CEACAM20: variants seen among roughly 807,000 people sequenced by gnomAD.
The protein encoded by CEACAM20 is CEA cell adhesion molecule 20, also known as cell adhesion molecule CEACAM20.
CEACAM20 carries 50 observed loss-of-function variants against 61.2 expected under a neutral mutation model. The ratio of observed to expected loss-of-function variants is 0.82; its 90% CI spans 0.65 to 1.03. The LOEUF (loss-of-function observed/expected upper bound fraction) is 1.03. CEACAM20 is among the 50% of genes least tolerant of loss of function. The pLI, the probability that CEACAM20 is intolerant of heterozygous loss-of-function variation, is 0.00. For missense variants in CEACAM20, 683 were observed against 736.4 expected, an observed-to-expected ratio of 0.93 and a Z score of 0.84; for synonymous variants, 282 against 287.7, an observed-to-expected ratio of 0.98 and a Z score of 0.20.
chr19:44,516,972 G>A lies in CEACAM20; in HGVS notation c.1283C>T (p.Ser428Phe). 1 of 1,599,146 alleles carries A rather than the reference G, an allele frequency of 6.3e-7. No individual in the cohort carries two copies. The highest frequency in any genetic ancestry group is 8.5e-7 in the Non-Finnish European group (1 of 1,173,322). The change falls in exon 6 of 12, where the codon TCC (serine) becomes TTC (phenylalanine). Residue 428 changes from serine (S) to phenylalanine (F), a missense_variant. Transcript: ENST00000614924. ...ASNSLTGLAR[S>F]TSVLVKVVGP... is the part of the protein sequence containing the mutation. Reference sequence around the variant, plus strand: ...TACCACCTTGACCAGGACTGAAGTGGAGCGGGCCAGGCCAGTGAGAGAGTT... The same window carrying A: ...TACCACCTTGACCAGGACTGAAGTGAAGCGGGCCAGGCCAGTGAGAGAGTT...
At position 44,525,099 on chromosome 19, in the gene CEACAM20, A is replaced by G. The variant is rs1337428471; in HGVS notation, c.196+2T>C. 3.7e-6 allele frequency: 6 copies of G among 1,609,784 alleles called. No homozygotes were observed. The highest frequency in any genetic ancestry group is 3.3e-5 in the South Asian group (3 of 90,320). The stretch of plus-strand genomic sequence containing the variant: ...ATGACCGTCTTGTTTTCTGGCCCCT[A>G]CCTCTGGATCTGCCATGAATCTGGG... On this transcript the variant is annotated splice_donor_variant, in intron 2 of 11. Coordinates refer to ENST00000614924, the MANE Select transcript of CEACAM20 (RefSeq NM_001102597.3). LOFTEE classifies it high-confidence loss of function.
intron 1 of CEACAM20, 100 bp downstream of exon 1, chr19:44,529,357 CA>C: frequency 2.0e-5 from 1 of 50,066 alleles, no homozygotes; most frequent in East Asian, 1.4e-3. Flanking sequence ...CTCGAGTGCA[CA>C]CACACACACA....
At chr19:44,510,609 A>G (rs4803723) in intron 11 of CEACAM20, among the ~76,000 whole-genome samples, 3,376 of 63,134 alleles carry the variant, frequency 0.053, 136 homozygotes, top group African/African-American at 0.17. Flanking sequence ...AGAAAGAAAG[A>G]AAAAGGAAGG....
At chr19:44,514,824 T>A (rs1434398937) in intron 6 of CEACAM20, among the ~76,000 whole-genome samples, 12 of 150,920 alleles carry the variant, frequency 8.0e-5, no homozygotes, top group Non-Finnish European at 1.3e-4. Context: ...TTTTTAAAAT[T>A]TTTTTTAAAT....
intron 7 of CEACAM20, 44 bp downstream of exon 7, chr19:44,513,128 G>T: frequency 6.7e-7 from 1 of 1,501,284 alleles, no homozygotes; most frequent in African/African-American, 1.4e-5. Context: ...CCCCCTGCTG[G>T]CCACATCCCC....
intron 6 of CEACAM20, among the ~76,000 whole-genome samples, chr19:44,515,217 A>ATG (rs1971120588): frequency 9.8e-6 from 1 of 102,544 alleles, no homozygotes; most frequent in African/African-American, 3.7e-5. Flanking sequence ...GATGCTTGAC[A>ATG]AATGATGATG....
chr19:44,507,257 A>C (rs1471714408), intron 11 of CEACAM20, among the ~76,000 whole-genome samples: 1 of 152,182 alleles, frequency 6.6e-6, no homozygotes, highest in Non-Finnish European at 1.5e-5. Flanking sequence ...GACTAATAAT[A>C]GGAAACAAAC....
At chr19:44,517,366 T>G in intron 5 of CEACAM20, 142 bp from the exon 6 acceptor site, 1 of 1,086,608 alleles carries the variant, frequency 9.2e-7, no homozygotes, top group African/African-American at 1.6e-5. Context: ...ACAAGCAGAG[T>G]GTGGTCCACA....
At chr19:44,509,674 A>T (rs1179898141) in intron 11 of CEACAM20, among the ~76,000 whole-genome samples, 1 of 152,188 alleles carries the variant, frequency 6.6e-6, no homozygotes, top group Non-Finnish European at 1.5e-5. Flanking sequence ...TTGGAAAGAA[A>T]TGAAAAGGGA....
intron 3 of CEACAM20, among the ~76,000 whole-genome samples, chr19:44,523,292 C>T (rs1339795490): frequency 6.6e-6 from 1 of 151,824 alleles, no homozygotes; most frequent in Non-Finnish European, 1.5e-5. Context: ...GCCTGTAGTC[C>T]CAGCTACTCG....
intron 6 of CEACAM20, 139 bp from the exon 7 acceptor site, chr19:44,513,428 T>G: frequency 1.8e-6 from 1 of 556,162 alleles, no homozygotes. Context: ...TATCAGATTG[T>G]GGTTTTTGGT....
At chr19:44,528,687 C>A (rs1971611667) in intron 1 of CEACAM20, among the ~76,000 whole-genome samples, 1 of 151,932 alleles carries the variant, frequency 6.6e-6, no homozygotes, top group Non-Finnish European at 1.5e-5. Flanking sequence ...CACAGACACA[C>A]AAACACACAT....
chr19:44,515,216 C>A (rs1971120128), intron 6 of CEACAM20, among the ~76,000 whole-genome samples: 1 of 106,756 alleles, frequency 9.4e-6, no homozygotes, highest in African/African-American at 3.6e-5. Context: ...AGATGCTTGA[C>A]AAATGATGAT....
At position 44,528,158 on chromosome 19, in the gene CEACAM20, TTTTCTTTCTTTCC is replaced by T. The variant is rs149014643; in HGVS notation, c.52+1287_52+1299del. Among the ~76,000 whole-genome samples, 380 of 124,826 alleles carry T rather than the reference TTTTCTTTCTTTCC, an allele frequency of 3.0e-3. 2 individuals carry two copies. The highest frequency in any genetic ancestry group is 4.2e-3 in the Non-Finnish European group (234 of 55,334). 81.9% of individuals were successfully genotyped at this position (124,826 alleles called of 152,430 possible). On this transcript the variant is annotated intron_variant, in intron 1 of 11. Coordinates refer to ENST00000614924, the MANE Select transcript of CEACAM20 (RefSeq NM_001102597.3). The stretch of plus-strand genomic sequence containing the variant: ...TCTCTTTCTTTCTTTTCTTTCTTTC[TTTTCTTTCTTTCC>T]TTTCTTTCTTTCCTTTCTTTCTTTC...
intron 5 of CEACAM20, 70 bp downstream of exon 5, chr19:44,520,404 T>C (rs1971317012): frequency 2.1e-5 from 32 of 1,551,452 alleles, no homozygotes; most frequent in Non-Finnish European, 2.8e-5. Flanking sequence ...CATGAATGAC[T>C]AGAAGGAAGA....
At chr19:44,521,721 CTA>C (rs1971370838) in intron 4 of CEACAM20, among the ~76,000 whole-genome samples, 1 of 151,560 alleles carries the variant, frequency 6.6e-6, no homozygotes, top group South Asian at 2.1e-4. Context: ...TGTGTGCATG[CTA>C]TATGTTTGTA....
chr19:44,529,492 T>C lies in CEACAM20; in HGVS notation c.18A>G (p.Ser6=), dbSNP rs936183179. The C allele has an allele frequency of 3.1e-6, 5 of 1,613,574 alleles. No homozygotes were observed. The highest frequency in any genetic ancestry group is 1.6e-4 in the Middle Eastern group (1 of 6,084). Reference sequence around the variant, plus strand: ...GGATTCCCATCCAGTGGTGTCCCCATGAGTCAGCAGGCCCCATGGGTCCCG... The same window carrying C: ...GGATTCCCATCCAGTGGTGTCCCCACGAGTCAGCAGGCCCCATGGGTCCCG... MGPAD[S]WGHHWMGILL... is the part of the protein sequence containing the mutation. Residue 6 remains serine (S), a synonymous_variant, in exon 1 of 12, where the codon TCA becomes TCG. Coordinates refer to ENST00000614924, the MANE Select transcript of CEACAM20 (RefSeq NM_001102597.3).
chr19:44,508,488 C>T (rs1970881098), intron 11 of CEACAM20, among the ~76,000 whole-genome samples: 1 of 152,202 alleles, frequency 6.6e-6, no homozygotes, highest in South Asian at 2.1e-4. Context: ...CTCCCAGGTT[C>T]AAGTGATTCT....
intron 6 of CEACAM20, among the ~76,000 whole-genome samples, chr19:44,514,314 A>C (rs1223811079): frequency 6.6e-6 from 1 of 152,136 alleles, no homozygotes; most frequent in East Asian, 1.9e-4. Context: ...AACCTCTCTC[A>C]AAAGGGTGGA....
Sources: gnomAD v4.1 joint callset for allele counts (sites outside exome capture counted in the v4.1 genomes callset) on GRCh38, gnomAD v4.1.1 for gene constraint, MANE v1.5 for transcripts, NCBI Gene and HGNC (gene_info 2026-07-23, HGNC 2026-07-21) for gene names.